ZP4: variants seen among roughly 807,000 people sequenced by gnomAD.
ZP4 encodes the protein zona pellucida glycoprotein 4, also known as zona pellucida sperm-binding protein 4.
In ZP4, 62 loss-of-function variants were observed where a neutral mutation model predicts 62.3. The ratio of observed to expected loss-of-function variants is 0.99; its 90% CI spans 0.81 to 1.23. The LOEUF (loss-of-function observed/expected upper bound fraction) is 1.23, where lower values mean the gene tolerates loss of function less well. Among genes scored for constraint, ZP4 ranks in the 50% most tolerant of loss-of-function variants. The pLI, the probability that ZP4 is intolerant of heterozygous loss-of-function variation, is 0.00. For synonymous variants in ZP4, 289 were observed against 247.3 expected, an observed-to-expected ratio of 1.17 and a Z score of -1.58; for missense variants, 774 against 656.0, an observed-to-expected ratio of 1.18 and a Z score of -1.97.
At chr1:237,885,946 CTTTCTT>C in intron 6 of ZP4, 60 bp from the exon 7 acceptor site, 1 of 1,601,602 alleles carries the variant, frequency 6.2e-7, no homozygotes, top group South Asian at 1.1e-5. Flanking sequence ...GTTACACATC[CTTTCTT>C]TTTAACTCAA....
chr1:237,884,868 G>T, intron 9 of ZP4, 21 bp from the exon 10 acceptor site: 1 of 1,610,196 alleles, frequency 6.2e-7, no homozygotes, highest in Non-Finnish European at 8.5e-7. Flanking sequence ...ACAGAATTCA[G>T]GTCATTTGTA....
In ZP4 at chr1:237,888,380, A is replaced by G. The variant is rs1236676834; in HGVS notation, c.531T>C (p.Asn177=). The change falls in exon 4 of 12, where the codon AAT becomes AAC. Residue 177 remains asparagine, a synonymous_variant. Coordinates refer to ENST00000366570, the MANE Select transcript of ZP4 (RefSeq NM_021186.5). ...LGCCYSSEEV[N]SCYYGNTVTL... ...CACCAGTGTTTCCATAGTAGCAGGA[A>G]TTCACCTCTTCAGAGCTATAACAAC... 10 of 1,589,470 alleles carry G rather than the reference A, an allele frequency of 6.3e-6. No individual in the cohort carries two copies. The East Asian group carries it at 2.3e-4, about 36-fold the overall frequency.
Position 237,888,499 on chromosome 1 carries a change from G to A in ZP4, c.412C>T (p.Pro138Ser). 2 of 1,597,152 alleles carry A rather than the reference G, an allele frequency of 1.3e-6. No homozygotes were observed. The highest frequency in any genetic ancestry group is 1.7e-6 in the Non-Finnish European group (2 of 1,167,602). ...ATGGAGTCACACCAGTCAGTATCTG[G>A]AGCATCTCGGGCTAGGTTTTGAAAA... is the stretch of plus-strand genomic sequence containing the variant. ...CPMDLLARDA[P>S]DTDWCDSIPA... Residue 138 changes from proline to serine, a missense_variant, in exon 4 of 12, where the codon CCA becomes TCA. Physicochemically the swap from Pro to Ser is moderately conservative, Grantham distance 74. Transcript: ENST00000366570.
chr1:237,888,225 G>T, intron 4 of ZP4, 133 bp downstream of exon 4: 1 of 834,390 alleles, frequency 1.2e-6, no homozygotes, highest in Non-Finnish European at 1.7e-6. Context: ...TTGGGATCAA[G>T]TGTTCTTGGA....
At chr1:237,885,347 CTTCT>C (rs745796139) in intron 8 of ZP4, 32 bp from the exon 9 acceptor site, 8 of 1,611,646 alleles carry the variant, frequency 5.0e-6, no homozygotes, top group Non-Finnish European at 6.8e-6. Flanking sequence ...TCAGGATGGG[CTTCT>C]TTGAGAATTT....
Position 237,889,905 on chromosome 1 carries a change from G to A in ZP4, c.362C>T (p.Thr121Ile), listed in dbSNP as rs776496549. ...AGGACACTTGAGCAGCTTCCTCTCT[G>A]TAACCACCTTGTGTTCAGCCGCGCC... Reference protein sequence around the residue: ...GAGAAEHKVVTERKLLKCPMD... With the variant: ...GAGAAEHKVVIERKLLKCPMD... Residue 121 changes from threonine (T) to isoleucine (I), a missense_variant, in exon 3 of 12, where the codon ACA becomes ATA. By Grantham distance (89) the Thr-to-Ile change is moderately conservative (BLOSUM62 -1). Transcript: ENST00000366570. 2 of 1,612,692 alleles carry A rather than the reference G, an allele frequency of 1.2e-6. No homozygotes were observed. Among genetic ancestry groups the A allele is most frequent in the Admixed American group, 1.7e-5 (1 of 59,714 alleles).
chr1:237,883,724 CGGGGGAGGGA>C (rs1390907091), intron 10 of ZP4, among the ~76,000 whole-genome samples: 115 of 8,484 alleles, frequency 0.014, 6 homozygotes, highest in Non-Finnish European at 0.02. Context: ...CGGGGGAGGG[CGGGGGAGGGA>C]GAGAGAGGGA....
chr1:237,889,764 A>T, intron 3 of ZP4, 103 bp downstream of exon 3: 1 of 971,028 alleles, frequency 1.0e-6, no homozygotes. Context: ...TTCCTTCATT[A>T]GTGTCAGGTG....
chr1:237,888,476 G>A lies in ZP4; in HGVS notation c.435C>T (p.Ser145=). The change falls in exon 4 of 12, where the codon TCC becomes TCT. Residue 145 remains serine (S), a synonymous_variant. Coordinates refer to ENST00000366570, the MANE Select transcript of ZP4 (RefSeq NM_021186.5). ...RDAPDTDWCD[S]IPARDRLPCA... ...ATGGCAGTCTGTCCCGTGCTGGGAT[G>A]GAGTCACACCAGTCAGTATCTGGAG... 1 of 1,610,674 alleles carries A rather than the reference G, an allele frequency of 6.2e-7. No homozygotes were observed. Among genetic ancestry groups the A allele is most frequent in the Non-Finnish European group, 8.5e-7 (1 of 1,177,700 alleles).
rs1415587985 is a variant in ZP4 at position 237,886,782 on chromosome 1, G to C, written c.828C>G (p.Asp276Glu). The C allele has an allele frequency of 1.2e-6, 2 of 1,613,954 alleles. No homozygotes were observed. Among genetic ancestry groups the C allele is most frequent in the South Asian group, 2.2e-5 (2 of 91,076 alleles). The change falls in exon 6 of 12, where the codon GAC becomes GAG. Residue 276 changes from aspartate to glutamate, a missense_variant. Asp to Glu is a conservative substitution (Grantham distance 45). Coordinates refer to ENST00000366570, the MANE Select transcript of ZP4 (RefSeq NM_021186.5). ...GGCCAAGCCCTTACCTGAAGATGCT[G>C]TCACGAGTGACAGAGCCACGGCTCC... ...KNGSRGSVTR[D>E]SIFRLHVSCS...
At position 237,885,516 on chromosome 1, in the gene ZP4, G is replaced by T. The variant is rs751553911; in HGVS notation, c.1035C>A (p.Pro345=). 4 of 1,613,998 alleles carry T rather than the reference G, an allele frequency of 2.5e-6. No individual in the cohort carries two copies. The highest frequency in any genetic ancestry group is 1.3e-5 in the African/African-American group (1 of 74,886). ...DYPVVKLLRD[P]IYVEVSILHR... ...GAAGGATGGAGACCTCCACGTAAATGGGATCCCGAAGCAACTTCACCACTG... is the reference window on the plus strand; with the variant it reads ...GAAGGATGGAGACCTCCACGTAAATTGGATCCCGAAGCAACTTCACCACTG... The change falls in exon 8 of 12, where the codon CCC becomes CCA. Residue 345 remains proline (P), a synonymous_variant. Coordinates refer to ENST00000366570, the MANE Select transcript of ZP4 (RefSeq NM_021186.5).
In ZP4 at chr1:237,883,983, AACACACACAC is replaced by A. The variant is rs1173733667; in HGVS notation, c.1390+776_1390+785del. Among the ~76,000 whole-genome samples the A allele has an allele frequency of 9.1e-3, 385 of 42,196 alleles. 8 individuals carry two copies. In the South Asian group the frequency reaches 0.099, roughly 11 times the overall value. 27.7% of individuals were successfully genotyped at this position (42,196 alleles called of 152,430 possible). On this transcript the variant is annotated intron_variant, in intron 10 of 11. Transcript: ENST00000366570. ...ACACACACAAACACACACACACACA[AACACACACAC>A]ACACACACACACACACACACACAAA...
At position 237,884,899 on chromosome 1, in the gene ZP4, T is replaced by A. The variant is rs762869598; in HGVS notation, c.1312-52A>T. 5.1e-6 allele frequency: 8 copies of A among 1,573,028 alleles called. No individual in the cohort carries two copies. The Admixed American group carries it at 1.4e-4, about 27-fold the overall frequency. ...TTGTAGTATCACCATGCCATGTATC[T>A]CTAAACCTGCTTTGCCTCCCCAGGA... On this transcript the variant is annotated intron_variant, in intron 9 of 11. Transcript: ENST00000366570.
intron 5 of ZP4, among the ~76,000 whole-genome samples, 179 bp downstream of exon 5, chr1:237,887,195 C>T (rs984417016): frequency 6.6e-6 from 1 of 152,150 alleles, no homozygotes; most frequent in Non-Finnish European, 1.5e-5. Flanking sequence ...CTTAGCTGAA[C>T]ACCCAGAAGA....
In ZP4 at chr1:237,890,451, T is replaced by G; in HGVS notation, c.175+10A>C. On this transcript the variant is annotated intron_variant, in intron 1 of 11. Coordinates refer to ENST00000366570, the MANE Select transcript of ZP4 (RefSeq NM_021186.5). ...TTGCTTGGCTAAGCAAGGCAAGTCA[T>G]CAAACTTACCCCAAGCTATTAGTAC... 6.2e-7 allele frequency: 1 copy of G among 1,602,856 alleles called. No homozygotes were observed. Among genetic ancestry groups the G allele is most frequent in the Middle Eastern group, 1.7e-4 (1 of 5,982 alleles).
chr1:237,890,574 T>C lies in ZP4; in HGVS notation c.62A>G (p.His21Arg), dbSNP rs1211251301. 10 of 1,614,128 alleles carry C rather than the reference T, an allele frequency of 6.2e-6. No individual in the cohort carries two copies. Among genetic ancestry groups the C allele is most frequent in the South Asian group, 2.2e-5 (2 of 91,076 alleles). Residue 21 changes from histidine (H) to arginine (R), a missense_variant, in exon 1 of 12, where the codon CAT becomes CGT. His to Arg is a conservative substitution (Grantham distance 29). Coordinates refer to ENST00000366570, the MANE Select transcript of ZP4 (RefSeq NM_021186.5). ...GGAATAATCTGGTGCCTCAGGCTTATGCTGGCCACTCACAGCAAGAGATAA... is the reference window on the plus strand; with the variant it reads ...GGAATAATCTGGTGCCTCAGGCTTACGCTGGCCACTCACAGCAAGAGATAA... ...VSLSLAVSGQHKPEAPDYSSV... is the reference protein window; with the variant it reads ...VSLSLAVSGQRKPEAPDYSSV...
chr1:237,883,920 A>C (rs116645967), intron 10 of ZP4, among the ~76,000 whole-genome samples: 2,079 of 151,112 alleles, frequency 0.014, 50 homozygotes, highest in African/African-American at 0.048. Flanking sequence ...TAATCATGCC[A>C]TTGTACTCCA....
At chr1:237,883,708 G>GAGAGA (rs1664982589) in intron 10 of ZP4, among the ~76,000 whole-genome samples, 1 of 19,884 alleles carries the variant, frequency 5.0e-5, no homozygotes, top group Non-Finnish European at 8.9e-5. Flanking sequence ...GGAGGGCGGG[G>GAGAGA]GAGGGCGGGG....
At chr1:237,887,244 G>T in intron 5 of ZP4, 130 bp downstream of exon 5, 1 of 1,062,424 alleles carries the variant, frequency 9.4e-7, no homozygotes, top group Non-Finnish European at 1.4e-6. Context: ...TCCTGCCCTA[G>T]GGACTCTCCC....
Sources: gnomAD v4.1 joint callset for allele counts (sites outside exome capture counted in the v4.1 genomes callset) on GRCh38, gnomAD v4.1.1 for gene constraint, MANE v1.5 for transcripts, NCBI Gene and HGNC (gene_info 2026-07-23, HGNC 2026-07-21) for gene names.